The following SEMA6D variants were observed in gnomAD, a reference collection of about 807,000 sequenced individuals.
The protein encoded by SEMA6D is semaphorin-6D.
A neutral mutation model predicts 106.6 loss-of-function variants in SEMA6D; 35 were observed. That is an observed-to-expected ratio of 0.33 (90% CI 0.25 to 0.44). The LOEUF (loss-of-function observed/expected upper bound fraction) is 0.44. Among genes scored for constraint, SEMA6D ranks in the 20% least tolerant of loss-of-function variants. SEMA6D has a pLI of 1.00. For synonymous variants in SEMA6D, 499 were observed against 487.7 expected (o/e 1.02, Z -0.31); for missense variants, 1,185 against 1,345.9 (o/e 0.88, Z 1.87).
chr15:47,282,716 G>A (rs2035182459), intron 1 of SEMA6D, among the ~76,000 whole-genome samples: 2 of 152,134 alleles, frequency 1.3e-5, no homozygotes, highest in African/African-American at 4.8e-5. Context: ...TTAGTGTGGG[G>A]CACTATACTG....
chr15:47,538,138 C>T (rs1439810213), intron 3 of SEMA6D, among the ~76,000 whole-genome samples: 3 of 152,042 alleles, frequency 2.0e-5, no homozygotes, highest in Non-Finnish European at 4.4e-5. Context: ...AAGGACAGTG[C>T]GATGAGATAT....
At chr15:47,547,332 G>A (rs992467143) in intron 3 of SEMA6D, among the ~76,000 whole-genome samples, 2 of 152,062 alleles carry the variant, frequency 1.3e-5, no homozygotes, top group Admixed American at 1.3e-4. Flanking sequence ...CTAATCACAG[G>A]AAAATTGTTG....
intron 1 of SEMA6D, among the ~76,000 whole-genome samples, chr15:47,388,349 C>T (rs1187540195): frequency 5.3e-5 from 8 of 152,076 alleles, no homozygotes; most frequent in Admixed American, 1.3e-4. Flanking sequence ...TACCTACAGT[C>T]GGCCACAGTC....
At chr15:47,613,889 C>T (rs1022097171) in intron 4 of SEMA6D, among the ~76,000 whole-genome samples, 2 of 152,012 alleles carry the variant, frequency 1.3e-5, no homozygotes, top group East Asian at 1.9e-4. Context: ...CCTCGTGATC[C>T]GCCCGCCTCG....
At chr15:47,629,156 T>C (rs2077252145) in intron 4 of SEMA6D, among the ~76,000 whole-genome samples, 1 of 152,086 alleles carries the variant, frequency 6.6e-6, no homozygotes, top group Admixed American at 6.6e-5. Flanking sequence ...GTCATAAAAT[T>C]GAATAAATCG....
chr15:47,281,751 A>G (rs529754858), intron 1 of SEMA6D, among the ~76,000 whole-genome samples: 1 of 152,250 alleles, frequency 6.6e-6, no homozygotes, highest in South Asian at 2.1e-4. Context: ...AAACCAAAAT[A>G]TTCATGTGAA....
chr15:47,205,024 A>G (rs1566924545), intron 1 of SEMA6D, among the ~76,000 whole-genome samples: 1 of 152,136 alleles, frequency 6.6e-6, no homozygotes. Flanking sequence ...TTGAAGAGAA[A>G]GCTATATAAG....
At chr15:47,357,654 C>G (rs1418959919) in intron 1 of SEMA6D, among the ~76,000 whole-genome samples, 2 of 152,128 alleles carry the variant, frequency 1.3e-5, no homozygotes, top group African/African-American at 4.8e-5. Context: ...ACATTCTAGC[C>G]GTGCTGGCAG....
At chr15:47,268,207 A>G (rs1384253144) in intron 1 of SEMA6D, among the ~76,000 whole-genome samples, 4 of 152,178 alleles carry the variant, frequency 2.6e-5, no homozygotes, top group Non-Finnish European at 1.5e-5. Flanking sequence ...AATGCCTGAG[A>G]TTCTCACTTA....
chr15:47,724,159 G>T (rs544850778), intron 1 of SEMA6D, among the ~76,000 whole-genome samples: 102 of 152,344 alleles, frequency 6.7e-4, no homozygotes, highest in African/African-American at 2.4e-3. Context: ...GTAATTGGTG[G>T]ATCAAATAAA....
chr15:47,651,410 A>C (rs1012875356), intron 4 of SEMA6D, among the ~76,000 whole-genome samples: 1 of 152,140 alleles, frequency 6.6e-6, no homozygotes, highest in Non-Finnish European at 1.5e-5. Flanking sequence ...GCCTCTAAAA[A>C]AAAAACTAGT....
In SEMA6D at chr15:47,761,181, A is replaced by G. The variant is rs1239829424; in HGVS notation, c.306A>G (p.Gln102=). The G allele has an allele frequency of 6.2e-7, 1 of 1,613,850 alleles. No homozygotes were observed. The highest frequency in any genetic ancestry group is 1.7e-5 in the Admixed American group (1 of 60,018). The change falls in exon 5 of 19, where the codon CAA becomes CAG. Residue 102 remains glutamine, a synonymous_variant. Transcript: ENST00000536845. ...AGAAACTGACATGGCGATCAAGACA[A>G]CAGGATCGAGAAAACTGTGCTATGA... is the stretch of plus-strand genomic sequence containing the variant. The part of the protein sequence containing the change: ...PNKKLTWRSR[Q]QDRENCAMKG...
intron 4 of SEMA6D, among the ~76,000 whole-genome samples, chr15:47,607,088 A>G (rs2076796138): frequency 6.8e-6 from 1 of 147,526 alleles, no homozygotes; most frequent in Non-Finnish European, 1.5e-5. Context: ...TTTGAAAATT[A>G]TGATAAGGAC....
At chr15:47,498,126 T>C (rs1567122142) in intron 3 of SEMA6D, among the ~76,000 whole-genome samples, 1 of 152,150 alleles carries the variant, frequency 6.6e-6, no homozygotes, top group African/African-American at 2.4e-5. Context: ...TTTTCAGACT[T>C]TGATCCATTC....
At chr15:47,314,243 T>C (rs546387574) in intron 1 of SEMA6D, among the ~76,000 whole-genome samples, 13 of 152,142 alleles carry the variant, frequency 8.5e-5, no homozygotes, top group Non-Finnish European at 1.8e-4. Flanking sequence ...CTTTGGTGAG[T>C]TGTCTGCTAA....
At chr15:47,488,946 T>C (rs2141399726) in intron 3 of SEMA6D, among the ~76,000 whole-genome samples, 1 of 152,244 alleles carries the variant, frequency 6.6e-6, no homozygotes, top group South Asian at 2.1e-4. Context: ...TATTCTGTAG[T>C]GGGTTGAACT....
intron 1 of SEMA6D, among the ~76,000 whole-genome samples, chr15:47,296,453 G>A (rs2035805374): frequency 6.6e-6 from 1 of 152,220 alleles, no homozygotes; most frequent in South Asian, 2.1e-4. Flanking sequence ...ACCCATGGCT[G>A]TGTGTGCAAC....
intron 4 of SEMA6D, among the ~76,000 whole-genome samples, chr15:47,606,649 A>G (rs1234300404): frequency 6.6e-6 from 1 of 152,210 alleles, no homozygotes; most frequent in Non-Finnish European, 1.5e-5. Context: ...CACATCCACC[A>G]TGATTTTTCT....
At chr15:47,354,131 A>G (rs566682880) in intron 1 of SEMA6D, among the ~76,000 whole-genome samples, 14 of 150,278 alleles carry the variant, frequency 9.3e-5, no homozygotes, top group Middle Eastern at 3.6e-3. Flanking sequence ...GAGAGTGTGT[A>G]TATATATATG....
Sources: gnomAD v4.1 joint callset for allele counts (sites outside exome capture counted in the v4.1 genomes callset) on GRCh38, gnomAD v4.1.1 for gene constraint, MANE v1.5 for transcripts, NCBI Gene and HGNC (gene_info 2026-07-23, HGNC 2026-07-21) for gene names.